SNX25: variants seen among roughly 807,000 people sequenced by gnomAD.
SNX25 encodes sorting nexin 25.
In SNX25, 62 loss-of-function variants were observed where a neutral mutation model predicts 113.7. The ratio of observed to expected loss-of-function variants is 0.55; its 90% CI spans 0.44 to 0.67. SNX25 has a LOEUF of 0.67. Ranked by LOEUF, SNX25 falls within the 30% of genes least tolerant of loss-of-function variation. SNX25 has a pLI of 0.00. For missense variants in SNX25, 1,014 were observed against 1,161.0 expected (o/e 0.87, Z 1.84); for synonymous variants, 421 against 436.2 (o/e 0.97, Z 0.43).
At chr4:185,371,497 G>C (rs541998288), downstream of SNX25, among the ~76,000 whole-genome samples, 2 of 140,980 alleles carry the variant, frequency 1.4e-5, no homozygotes, top group South Asian at 2.2e-4. Flanking sequence ...AGCCGAGATC[G>C]CACCACTGCA....
chr4:185,285,796 G>A (rs954380006), intron 5 of SNX25, among the ~76,000 whole-genome samples: 1 of 152,038 alleles, frequency 6.6e-6, no homozygotes, highest in South Asian at 2.1e-4. Context: ...TTTTTGAGAC[G>A]GGGTCTTGCT....
chr4:185,309,821 C>T (rs747466426), intron 6 of SNX25, among the ~76,000 whole-genome samples: 13 of 152,218 alleles, frequency 8.5e-5, no homozygotes, highest in Non-Finnish European at 1.6e-4. Context: ...GATACAAATA[C>T]ATTTATGGCA....
At chr4:185,231,326 C>T (rs1209143432) in intron 1 of SNX25, among the ~76,000 whole-genome samples, 1 of 151,464 alleles carries the variant, frequency 6.6e-6, no homozygotes, top group Non-Finnish European at 1.5e-5. Flanking sequence ...GTCTTGATCT[C>T]CTGACATCGT....
chr4:185,309,932 A>G (rs1755013918), intron 6 of SNX25, among the ~76,000 whole-genome samples: 1 of 152,134 alleles, frequency 6.6e-6, no homozygotes, highest in South Asian at 2.1e-4. Flanking sequence ...CCAGCATCAG[A>G]GTTATTTTGG....
At chr4:185,339,323 T>C in intron 10 of SNX25, 56 bp from the exon 11 acceptor site, 1 of 1,539,642 alleles carries the variant, frequency 6.5e-7, no homozygotes, top group Non-Finnish European at 8.9e-7. Context: ...GCTACTTTGC[T>C]GAATTGCATA....
At chr4:185,374,554 C>G (rs1039997191), downstream of SNX25, 2 of 1,333,316 alleles carry the variant, frequency 1.5e-6, no homozygotes, top group Non-Finnish European at 1.0e-6. Flanking sequence ...TGTCCGCCCT[C>G]TGACACGATG....
chr4:185,353,131 A>G (rs1354079262), intron 14 of SNX25: 2 of 167,070 alleles, frequency 1.2e-5, no homozygotes, highest in African/African-American at 4.8e-5. Flanking sequence ...TGAATTTAAA[A>G]TTATTTACTT....
chr4:185,276,736 G>A (rs1407627868), intron 5 of SNX25, among the ~76,000 whole-genome samples: 2 of 152,236 alleles, frequency 1.3e-5, no homozygotes, highest in Non-Finnish European at 2.9e-5. Flanking sequence ...TAGCAATGCT[G>A]GACCAGAATA....
At chr4:185,268,249 G>T (rs1273898512) in intron 5 of SNX25, among the ~76,000 whole-genome samples, 1 of 152,152 alleles carries the variant, frequency 6.6e-6, no homozygotes, top group Non-Finnish European at 1.5e-5. Context: ...ACATTGTGTT[G>T]GTTTTTGTTT....
intron 1 of SNX25, among the ~76,000 whole-genome samples, chr4:185,216,513 G>GTTTTTTTTTTTTTTTTTTTTTTTTT (rs34410263): frequency 1.0e-5 from 1 of 96,730 alleles, no homozygotes; most frequent in African/African-American, 3.9e-5. Context: ...TGTGTATTTG[G>GTTTTTTTTTTTTTTTTTTTTTTTTT]TTTTTTTTTT....
At chr4:185,338,370 A>G (rs949220439) in intron 10 of SNX25, among the ~76,000 whole-genome samples, 3 of 150,500 alleles carry the variant, frequency 2.0e-5, no homozygotes, top group Admixed American at 6.6e-5. Context: ...CCAACCCCTG[A>G]GTTCAAGCGA....
downstream of SNX25, among the ~76,000 whole-genome samples, chr4:185,372,058 C>T (rs748384045): frequency 2.0e-5 from 3 of 152,100 alleles, no homozygotes; most frequent in East Asian, 1.9e-4. Context: ...CGAGAAAAGA[C>T]GTCTTTTATA....
chr4:185,238,260 A>G (rs982645877), intron 1 of SNX25, among the ~76,000 whole-genome samples: 5 of 151,868 alleles, frequency 3.3e-5, no homozygotes, highest in African/African-American at 1.2e-4. Flanking sequence ...AGGACCTACC[A>G]TTAGTAAATG....
chr4:185,299,716 A>G (rs753291576), intron 6 of SNX25, among the ~76,000 whole-genome samples: 3 of 152,214 alleles, frequency 2.0e-5, no homozygotes, highest in Non-Finnish European at 4.4e-5. Flanking sequence ...TAGGAATTCT[A>G]GTAGCTATGG....
At chr4:185,368,990 TG>T (rs2095403998) in intron 11 of SNX25, among the ~76,000 whole-genome samples, 1 of 151,820 alleles carries the variant, frequency 6.6e-6, no homozygotes, top group Non-Finnish European at 1.5e-5. Flanking sequence ...GATGGGATTT[TG>T]CCATATTGGA....
intron 15 of SNX25, among the ~76,000 whole-genome samples, chr4:185,357,214 G>A (rs577136811): frequency 5.3e-5 from 8 of 152,116 alleles, no homozygotes; most frequent in Non-Finnish European, 1.2e-4. Context: ...TCTGCAAACC[G>A]CTTCAAACAG....
intron 5 of SNX25, among the ~76,000 whole-genome samples, chr4:185,280,335 G>A (rs116147647): frequency 6.6e-6 from 1 of 152,168 alleles, no homozygotes; most frequent in Non-Finnish European, 1.5e-5. Flanking sequence ...TAATGGTGTA[G>A]CATTAGCATA....
chr4:185,222,801 T>A (rs1258607535), intron 1 of SNX25, among the ~76,000 whole-genome samples: 1 of 152,214 alleles, frequency 6.6e-6, no homozygotes, highest in Non-Finnish European at 1.5e-5. Context: ...GAGTTAGTCA[T>A]TGGTCTGAAT....
chr4:185,342,151 ACT>A, intron 12 of SNX25, 35 bp downstream of exon 12: 1 of 1,496,772 alleles, frequency 6.7e-7, no homozygotes. Context: ...TTCTAGAATT[ACT>A]GCACAAGAGC....
Sources: allele counts gnomAD v4.1 joint callset (sites outside exome capture counted in the v4.1 genomes callset), GRCh38; gene constraint gnomAD v4.1.1; transcripts MANE v1.5; gene names NCBI Gene and HGNC (gene_info 2026-07-23, HGNC 2026-07-21).